VPS13B: variants seen among roughly 807,000 people sequenced by gnomAD.
VPS13B encodes the protein vacuolar protein sorting 13 homolog B, also known as intermembrane lipid transfer protein VPS13B.
A neutral mutation model predicts 426.4 loss-of-function variants in VPS13B; 285 were observed. That is an observed-to-expected ratio of 0.67 (90% CI 0.61 to 0.74). The LOEUF (loss-of-function observed/expected upper bound fraction) is 0.74. Among genes scored for constraint, VPS13B ranks in the 30% least tolerant of loss-of-function variants. The pLI is 0.00. For synonymous variants in VPS13B, 1,676 were observed against 1,676.4 expected (o/e 1.00, Z 0.01); for missense variants, 4,537 against 4,782.6 (o/e 0.95, Z 1.51).
intron 35 of VPS13B, chr8:99,697,284 C>T (rs1379815293): frequency 1.9e-5 from 11 of 576,028 alleles, no homozygotes; most frequent in Admixed American, 1.7e-4. Flanking sequence ...GCTGCAGAAG[C>T]GCTCGGAGTT....
chr8:99,866,367 G>A (rs1817099152), intron 58 of VPS13B, among the ~76,000 whole-genome samples: 2 of 152,194 alleles, frequency 1.3e-5, no homozygotes, highest in Non-Finnish European at 2.9e-5. Flanking sequence ...TGAGCACAGA[G>A]GTAGATAAGG....
At chr8:99,143,951 G>A (rs575965363) in intron 13 of VPS13B, among the ~76,000 whole-genome samples, 1 of 152,308 alleles carries the variant, frequency 6.6e-6, no homozygotes, top group African/African-American at 2.4e-5. Flanking sequence ...GATGGGAGCA[G>A]AACTTTATGT....
At chr8:99,448,954 C>A (rs561594042) in intron 23 of VPS13B, among the ~76,000 whole-genome samples, 2 of 152,246 alleles carry the variant, frequency 1.3e-5, no homozygotes, top group Admixed American at 1.3e-4. Flanking sequence ...TTCTACTTCT[C>A]TGATACTATT....
rs562943150 is a variant in VPS13B at position 99,474,732 on chromosome 8, A to C, written c.3667-6867A>C. On this transcript the variant is annotated intron_variant, in intron 24 of 61. Transcript: ENST00000357162. ...ATGTGGACCAACTGGAACTCATCAT[A>C]CACCGCTTGTGAGAATGTAAAAATG... 5.3e-5 allele frequency among the ~76,000 whole-genome samples: 8 copies of C among 152,324 alleles called. No homozygotes were observed. The South Asian group carries it at 1.7e-3, about 32-fold the overall frequency.
At chr8:99,492,181 A>G (rs1488716434) in intron 25 of VPS13B, among the ~76,000 whole-genome samples, 1 of 152,136 alleles carries the variant, frequency 6.6e-6, no homozygotes, top group Admixed American at 6.5e-5. Context: ...TTGCCTGGGT[A>G]TCAACTGCAA....
chr8:99,133,400 C>T (rs1809907388), intron 8 of VPS13B, among the ~76,000 whole-genome samples: 1 of 152,174 alleles, frequency 6.6e-6, no homozygotes, highest in South Asian at 2.1e-4. Flanking sequence ...TCTATCCAGA[C>T]CACTCAAAAT....
chr8:99,529,152 C>T (rs927783444), intron 30 of VPS13B, among the ~76,000 whole-genome samples: 1 of 151,946 alleles, frequency 6.6e-6, no homozygotes, highest in African/African-American at 2.4e-5. Context: ...AAAATCAACA[C>T]CAAAGTGTAT....
intron 29 of VPS13B, among the ~76,000 whole-genome samples, chr8:99,519,515 C>T (rs1018598247): frequency 1.4e-4 from 21 of 152,114 alleles, no homozygotes; most frequent in Non-Finnish European, 2.4e-4. Flanking sequence ...ATGTTTGTTG[C>T]GGCACTATTC....
At chr8:99,468,122 G>A (rs1002610633) in intron 24 of VPS13B, among the ~76,000 whole-genome samples, 2 of 151,994 alleles carry the variant, frequency 1.3e-5, no homozygotes, top group African/African-American at 4.8e-5. Context: ...TTTACATTAG[G>A]TATATCTCCT....
chr8:99,557,912 A>G (rs962964600), intron 31 of VPS13B, among the ~76,000 whole-genome samples: 2 of 152,178 alleles, frequency 1.3e-5, no homozygotes, highest in African/African-American at 2.4e-5. Flanking sequence ...TTAAGAAAGT[A>G]TTAATTATTT....
At chr8:99,278,641 G>A (rs998690275) in intron 19 of VPS13B, among the ~76,000 whole-genome samples, 1 of 152,176 alleles carries the variant, frequency 6.6e-6, no homozygotes. Context: ...GTGTTGGGCT[G>A]TTTATCATTT....
At chr8:99,168,232 A>G (rs1812123837) in intron 15 of VPS13B, among the ~76,000 whole-genome samples, 1 of 152,124 alleles carries the variant, frequency 6.6e-6, no homozygotes, top group South Asian at 2.1e-4. Flanking sequence ...AAGCATCTCT[A>G]GGCAACACAA....
chr8:99,388,337 CTG>C (rs966221621), intron 20 of VPS13B, among the ~76,000 whole-genome samples: 2 of 152,050 alleles, frequency 1.3e-5, no homozygotes, highest in African/African-American at 4.8e-5. Flanking sequence ...ATATGATAAA[CTG>C]TTAATAGCCA....
intron 58 of VPS13B, among the ~76,000 whole-genome samples, 187 bp downstream of exon 58, chr8:99,862,133 G>A (rs772480828): frequency 4.6e-5 from 7 of 152,224 alleles, no homozygotes; most frequent in South Asian, 4.1e-4. Flanking sequence ...CACATGCAGC[G>A]CCTGTGTTTG....
intron 35 of VPS13B, among the ~76,000 whole-genome samples, chr8:99,680,070 A>AT (rs1206808143): frequency 6.6e-6 from 1 of 152,158 alleles, no homozygotes; most frequent in African/African-American, 2.4e-5. Context: ...TGTCTAAAAA[A>AT]TTTTTTATCT....
chr8:99,816,403 A>G (rs1279248620), intron 44 of VPS13B, among the ~76,000 whole-genome samples: 1 of 152,128 alleles, frequency 6.6e-6, no homozygotes, highest in African/African-American at 2.4e-5. Flanking sequence ...CACCTGGCCA[A>G]GACCCCCATT....
chr8:99,142,769 A>G (rs944953055), intron 12 of VPS13B, among the ~76,000 whole-genome samples: 2 of 152,242 alleles, frequency 1.3e-5, no homozygotes, highest in African/African-American at 4.8e-5. Context: ...AATAACAGGA[A>G]TAAATTTTAA....
intron 24 of VPS13B, among the ~76,000 whole-genome samples, chr8:99,475,713 C>A (rs2133538541): frequency 6.6e-6 from 1 of 152,246 alleles, no homozygotes; most frequent in South Asian, 2.1e-4. Context: ...TTGTGTTTGG[C>A]CTTGTATTTC....
At chr8:99,616,374 G>A (rs1420029723) in intron 33 of VPS13B, among the ~76,000 whole-genome samples, 1 of 152,184 alleles carries the variant, frequency 6.6e-6, no homozygotes, top group African/African-American at 2.4e-5. Flanking sequence ...CTGAAGAGCA[G>A]AGAGAAGGAA....
Sources: allele counts gnomAD v4.1 joint callset (sites outside exome capture counted in the v4.1 genomes callset), GRCh38; gene constraint gnomAD v4.1.1; transcripts MANE v1.5; gene names NCBI Gene and HGNC (gene_info 2026-07-23, HGNC 2026-07-21).